IBTK: variants seen among roughly 807,000 people sequenced by gnomAD.
IBTK encodes the protein inhibitor of Bruton tyrosine kinase, also known as BTK-binding protein.
In IBTK, 83 loss-of-function variants were observed where a neutral mutation model predicts 154.9. That is an observed-to-expected ratio of 0.54 (90% CI 0.45 to 0.64). IBTK has a LOEUF of 0.64. IBTK is among the 30% of genes least tolerant of loss of function. IBTK has a pLI of 0.00. For synonymous variants in IBTK, 515 were observed against 536.1 expected (o/e 0.96, Z 0.54); for missense variants, 1,332 against 1,584.6 (o/e 0.84, Z 2.71).
intron 24 of IBTK, 163 bp downstream of exon 24, chr6:82,191,624 T>A (rs543322976): frequency 2.9e-6 from 2 of 694,960 alleles, no homozygotes; most frequent in East Asian, 5.5e-5. Context: ...CTTTAGCACA[T>A]ATTTAAGAAA....
rs915287642 is a variant in IBTK at position 82,211,362 on chromosome 6, C to A, written c.2412+5G>T. 5 of 1,597,972 alleles carry A rather than the reference C, an allele frequency of 3.1e-6. No homozygotes were observed. The highest frequency in any genetic ancestry group is 4.3e-6 in the Non-Finnish European group (5 of 1,174,976). On this transcript the variant is annotated splice_donor_5th_base_variant and intron_variant, in intron 15 of 28. Transcript: ENST00000306270. ...CAACCTAGGCGCTTTTTACTTAAAT[C>A]TTACCTCAATCCATGAGCTACTCAG...
chr6:82,178,415 CTT>C (rs1006488374), intron 26 of IBTK, among the ~76,000 whole-genome samples: 5 of 152,112 alleles, frequency 3.3e-5, no homozygotes, highest in African/African-American at 9.6e-5. Context: ...AAATACAAAA[CTT>C]ATCTTAATTT....
At chr6:82,224,266 AAT>A in intron 6 of IBTK, 81 bp from the exon 7 acceptor site, 1 of 961,080 alleles carries the variant, frequency 1.0e-6, no homozygotes, top group Non-Finnish European at 1.7e-6. Context: ...CAGACCAGCA[AAT>A]ATATGGTATA....
chr6:82,196,255 T>C (rs770698486), intron 22 of IBTK, 43 bp downstream of exon 22: 1 of 1,444,074 alleles, frequency 6.9e-7, no homozygotes, highest in Non-Finnish European at 9.3e-7. Context: ...CATCTATAAA[T>C]CTAAAATCTG....
At chr6:82,238,796 T>C (rs978257976) in intron 2 of IBTK, among the ~76,000 whole-genome samples, 4 of 151,940 alleles carry the variant, frequency 2.6e-5, no homozygotes, top group African/African-American at 9.7e-5. Flanking sequence ...TGGAGTGCAG[T>C]GACACGATCT....
chr6:82,210,629 A>T (rs1340802941), intron 16 of IBTK, among the ~76,000 whole-genome samples, 185 bp downstream of exon 16: 1 of 152,138 alleles, frequency 6.6e-6, no homozygotes, highest in Admixed American at 6.5e-5. Context: ...GTTTGAGACT[A>T]GCCTGGGCAA....
At chr6:82,236,349 A>G (rs1430927681) in intron 2 of IBTK, among the ~76,000 whole-genome samples, 1 of 152,214 alleles carries the variant, frequency 6.6e-6, no homozygotes, top group Non-Finnish European at 1.5e-5. Flanking sequence ...CCTCACAGAC[A>G]GTATATTATT....
chr6:82,241,603 A>G (rs1159363416), intron 1 of IBTK, among the ~76,000 whole-genome samples: 3 of 152,262 alleles, frequency 2.0e-5, no homozygotes, highest in Non-Finnish European at 4.4e-5. Flanking sequence ...CTACAAAAGC[A>G]CTGGATGAAA....
At chr6:82,195,406 T>C (rs994213544) in intron 22 of IBTK, among the ~76,000 whole-genome samples, 1 of 151,938 alleles carries the variant, frequency 6.6e-6, no homozygotes, top group African/African-American at 2.4e-5. Context: ...CAAAACCCCA[T>C]CTCTACTAAA....
intron 17 of IBTK, 31 bp downstream of exon 17, chr6:82,204,826 C>A: frequency 7.8e-7 from 1 of 1,283,438 alleles, no homozygotes; most frequent in South Asian, 1.3e-5. Context: ...AACCTGAAAA[C>A]ATATTAATAT....
In IBTK at chr6:82,183,724, A is replaced by G. The variant is rs376886104; in HGVS notation, c.3576-1696T>C. On this transcript the variant is annotated intron_variant, in intron 25 of 28. Transcript: ENST00000306270. The stretch of plus-strand genomic sequence containing the variant: ...GACAAAACCAATTATGGTAATCAGG[A>G]TAGTATAAGCTAGGTCTGAATGTAT... Among the ~76,000 whole-genome samples, 378 of 152,346 alleles carry G rather than the reference A, an allele frequency of 2.5e-3. 2 individuals carry two copies. Among genetic ancestry groups the G allele is most frequent in the African/African-American group, 8.7e-3 (363 of 41,586 alleles).
rs1767878842 is a variant in IBTK at position 82,170,034 on chromosome 6, A to C, written c.*1391T>G. The C allele has an allele frequency of 6.6e-6, 1 of 152,244 alleles. No individual in the cohort carries two copies. The highest frequency in any genetic ancestry group is 1.5e-5 in the Non-Finnish European group (1 of 68,046). The allele number at this position is 152,244 out of a possible 1,614,324, so 9.4% of individuals were successfully genotyped here. A position where few individuals can be genotyped will look rare whatever the true frequency, so the allele number is the denominator to read the frequency against. The stretch of plus-strand genomic sequence containing the variant: ...TGCAACATCAATAGAACATTTATAA[A>C]ATTCATTTCTCAATTTACTCAAACA... On this transcript the variant is annotated 3_prime_UTR_variant, in exon 29 of 29. Transcript: ENST00000306270.
rs965132144 is a variant in IBTK, at chr6:82,210,805, T to C, written c.2509+9A>G. 7.7e-7 allele frequency: 1 copy of C among 1,300,852 alleles called. No homozygotes were observed. The highest frequency in any genetic ancestry group is 1.1e-6 in the Non-Finnish European group (1 of 935,314). The allele number at this position is 1,300,852 out of a possible 1,614,324, so 80.6% of individuals were successfully genotyped here. ...GAAGTATCTACAATGTCCTAACTCT[T>C]ATTAATACCTTTTATCACCACAGCT... On this transcript the variant is annotated intron_variant, in intron 16 of 28. Coordinates refer to ENST00000306270, the MANE Select transcript of IBTK (RefSeq NM_015525.4).
chr6:82,241,080 CT>C (rs71545826), intron 1 of IBTK, among the ~76,000 whole-genome samples: 6 of 151,814 alleles, frequency 4.0e-5, no homozygotes, highest in South Asian at 2.1e-4. Flanking sequence ...GGGTTAATTC[CT>C]TTTTTTTCTT....
chr6:82,206,456 A>G (rs928846314), intron 16 of IBTK, among the ~76,000 whole-genome samples: 2 of 152,234 alleles, frequency 1.3e-5, no homozygotes, highest in Admixed American at 1.3e-4. Context: ...AGAAGAGTCC[A>G]GGACCAGATG....
chr6:82,201,039 T>A (rs1769191597), intron 19 of IBTK, among the ~76,000 whole-genome samples: 1 of 152,100 alleles, frequency 6.6e-6, no homozygotes, highest in African/African-American at 2.4e-5. Context: ...AAAAACTTTA[T>A]TCCATAAACC....
Position 82,234,135 on chromosome 6 carries a change from A to G in IBTK, c.418+24T>C. On this transcript the variant is annotated intron_variant, in intron 3 of 28. Coordinates refer to ENST00000306270, the MANE Select transcript of IBTK (RefSeq NM_015525.4). Reference sequence around the variant, plus strand: ...ATTACAGGTGTGAGCCGCAGCGCCCAGCCCATTTGTGAAATTTTCTTACCA... The same window carrying G: ...ATTACAGGTGTGAGCCGCAGCGCCCGGCCCATTTGTGAAATTTTCTTACCA... The G allele has an allele frequency of 2.4e-6, 3 of 1,245,936 alleles. No individual in the cohort carries two copies. In the South Asian group the frequency reaches 3.8e-5, roughly 16 times the overall value. 77.2% of individuals were successfully genotyped at this position (1,245,936 alleles called of 1,614,324 possible). A position where few individuals can be genotyped will look rare whatever the true frequency, so the allele number is the denominator to read the frequency against.
intron 8 of IBTK, among the ~76,000 whole-genome samples, chr6:82,221,338 A>G (rs1477238856): frequency 6.6e-6 from 1 of 152,186 alleles, no homozygotes; most frequent in Non-Finnish European, 1.5e-5. Flanking sequence ...AAGTAAATAA[A>G]TAATAAATAA....
Position 82,214,415 on chromosome 6 carries a change from A to G in IBTK, c.2016T>C (p.Asn672=). 1 of 1,613,968 alleles carries G rather than the reference A, an allele frequency of 6.2e-7. No homozygotes were observed. The highest frequency in any genetic ancestry group is 2.2e-5 in the East Asian group (1 of 44,854). The part of the protein sequence containing the change: ...GTLNSHLNKV[N]FHEDDNQKSA... ...ACTTCTGGTTATCATCTTCATGGAAATTCACTTTATTCAAATGAGAATTCA... is the reference window on the plus strand; with the variant it reads ...ACTTCTGGTTATCATCTTCATGGAAGTTCACTTTATTCAAATGAGAATTCA... The change falls in exon 12 of 29, where the codon AAT becomes AAC. Residue 672 remains asparagine, a synonymous_variant. Transcript: ENST00000306270.
Sources: gnomAD v4.1 joint callset for allele counts (sites outside exome capture counted in the v4.1 genomes callset) on GRCh38, gnomAD v4.1.1 for gene constraint, MANE v1.5 for transcripts, NCBI Gene and HGNC (gene_info 2026-07-23, HGNC 2026-07-21) for gene names.